The following ABCB5 variants were observed in gnomAD, a reference collection of about 807,000 sequenced individuals.
The protein encoded by ABCB5 is ATP binding cassette subfamily B member 5, also known as ATP-binding cassette sub-family B member 5.
In ABCB5, 155 loss-of-function variants were observed where a neutral mutation model predicts 144.2. That is an observed-to-expected ratio of 1.08 (90% CI 0.94 to 1.23). The LOEUF (loss-of-function observed/expected upper bound fraction) is 1.23, where lower values mean the gene tolerates loss of function less well. Among genes scored for constraint, ABCB5 ranks in the 50% most tolerant of loss-of-function variants. The pLI, the probability that ABCB5 is intolerant of heterozygous loss-of-function variation, is 0.00. For missense variants in ABCB5, 1,830 were observed against 1,520.8 expected, an observed-to-expected ratio of 1.20 and a Z score of -3.38; for synonymous variants, 610 against 528.6, an observed-to-expected ratio of 1.15 and a Z score of -2.11.
intron 20 of ABCB5, among the ~76,000 whole-genome samples, chr7:20,707,028 T>C (rs1414664847): frequency 6.6e-6 from 1 of 152,188 alleles, no homozygotes; most frequent in Non-Finnish European, 1.5e-5. Context: ...AACTTATTTG[T>C]CCACAAATGA....
At chr7:20,634,560 G>C (rs753626666) in intron 5 of ABCB5, among the ~76,000 whole-genome samples, 1 of 152,004 alleles carries the variant, frequency 6.6e-6, no homozygotes, top group Non-Finnish European at 1.5e-5. Context: ...ACCAACATCT[G>C]TTATTATTTG....
intron 27 of ABCB5, 64 bp from the exon 28 acceptor site, chr7:20,755,363 T>C (rs1436044008): frequency 1.6e-5 from 24 of 1,467,164 alleles, no homozygotes; most frequent in Non-Finnish European, 2.3e-5. Flanking sequence ...TTAATTGATT[T>C]GACTTAGGTA....
chr7:20,723,269 T>A, intron 21 of ABCB5, 50 bp downstream of exon 21: 1 of 1,561,890 alleles, frequency 6.4e-7, no homozygotes, highest in Non-Finnish European at 8.8e-7. Context: ...AGAAAAACAG[T>A]CAGAACTTTA....
At chr7:20,647,670 A>T in intron 10 of ABCB5, 22 bp downstream of exon 10, 1 of 1,547,108 alleles carries the variant, frequency 6.5e-7, no homozygotes, top group South Asian at 1.2e-5. Context: ...TATTGCTTTG[A>T]AGAATAACTA....
In ABCB5 at chr7:20,626,119, T is replaced by C. The variant is rs148056461; in HGVS notation, c.54-438T>C. Among the ~76,000 whole-genome samples, 372 of 152,264 alleles carry C rather than the reference T, an allele frequency of 2.4e-3. 1 individual carries two copies. The highest frequency in any genetic ancestry group is 8.6e-3 in the African/African-American group (358 of 41,552). ...GAGGTGCCCAGAGCAGTCAGATTCA[T>C]AGAGGCAAAATAGAACCGCGGTTGC... On this transcript the variant is annotated intron_variant, in intron 2 of 27. Transcript: ENST00000404938.
intron 13 of ABCB5, among the ~76,000 whole-genome samples, chr7:20,652,058 G>T (rs1216713114): frequency 1.3e-5 from 2 of 151,780 alleles, no homozygotes; most frequent in African/African-American, 4.8e-5. Context: ...AATTGAAAAA[G>T]AAAAAAATGA....
intron 26 of ABCB5, among the ~76,000 whole-genome samples, chr7:20,746,598 T>C (rs554564302): frequency 2.1e-4 from 32 of 152,348 alleles, no homozygotes; most frequent in African/African-American, 7.5e-4. Context: ...GATCCTTTTT[T>C]ATCACCTTGA....
At chr7:20,649,740 A>G (rs1483293865) in intron 11 of ABCB5, among the ~76,000 whole-genome samples, 1 of 152,234 alleles carries the variant, frequency 6.6e-6, no homozygotes, top group Non-Finnish European at 1.5e-5. Context: ...AAATTCATAT[A>G]AAATATTTTA....
chr7:20,739,986 C>G (rs1782510367), intron 24 of ABCB5, among the ~76,000 whole-genome samples: 1 of 152,134 alleles, frequency 6.6e-6, no homozygotes, highest in Non-Finnish European at 1.5e-5. Context: ...AATCCCAGCA[C>G]TTTGGGAGGC....
At chr7:20,634,034 C>T (rs1784096340) in intron 5 of ABCB5, among the ~76,000 whole-genome samples, 1 of 152,028 alleles carries the variant, frequency 6.6e-6, no homozygotes, top group Admixed American at 6.6e-5. Context: ...CCCTTTCAGC[C>T]TCTGAGTCTC....
At chr7:20,752,420 T>C (rs1179048112) in intron 26 of ABCB5, among the ~76,000 whole-genome samples, 1 of 152,210 alleles carries the variant, frequency 6.6e-6, no homozygotes, top group Non-Finnish European at 1.5e-5. Flanking sequence ...TGTGTGAAAT[T>C]TTCTTTACCC....
intron 13 of ABCB5, among the ~76,000 whole-genome samples, chr7:20,654,662 G>C (rs944889918): frequency 6.6e-6 from 1 of 151,970 alleles, no homozygotes; most frequent in Admixed American, 6.6e-5. Flanking sequence ...TATGTTCTCA[G>C]ACCATAATAT....
intron 7 of ABCB5, among the ~76,000 whole-genome samples, chr7:20,645,131 C>T (rs1050859839): frequency 5.9e-5 from 9 of 152,146 alleles, no homozygotes; most frequent in Admixed American, 1.3e-4. Flanking sequence ...CCAAAGGATG[C>T]GATACCAGAG....
intron 13 of ABCB5, among the ~76,000 whole-genome samples, chr7:20,652,809 T>G (rs758473659): frequency 1.3e-5 from 2 of 152,186 alleles, no homozygotes; most frequent in Non-Finnish European, 2.9e-5. Context: ...AAGGATGAGA[T>G]TTGCAATTAA....
chr7:20,654,844 A>T (rs1784719980), intron 13 of ABCB5, among the ~76,000 whole-genome samples: 1 of 152,138 alleles, frequency 6.6e-6, no homozygotes, highest in Admixed American at 6.5e-5. Context: ...AGAGAAACTT[A>T]TAGTATTTAA....
At chr7:20,681,936 G>T (rs1404254745) in intron 15 of ABCB5, among the ~76,000 whole-genome samples, 2 of 152,080 alleles carry the variant, frequency 1.3e-5, no homozygotes, top group African/African-American at 4.8e-5. Flanking sequence ...ACCAGAAAGG[G>T]TGGCTCACAC....
rs192378852 is a variant in ABCB5 at position 20,711,486 on chromosome 7, C to T, written c.2421+6679C>T. On this transcript the variant is annotated intron_variant, in intron 20 of 27. Transcript: ENST00000404938. ...TCTTTCTTTTTTTTTTTTTGAGACA[C>T]GGTCTCACTCTGTTATCCAGGCTGG... 2.2e-3 allele frequency among the ~76,000 whole-genome samples: 319 copies of T among 143,088 alleles called. 21 individuals carry two copies. Among genetic ancestry groups the T allele is most frequent in the African/African-American group, 5.9e-3 (225 of 38,416 alleles). 93.9% of individuals were successfully genotyped at this position (143,088 alleles called of 152,430 possible).
At chr7:20,716,674 A>T (rs1407234079) in intron 20 of ABCB5, among the ~76,000 whole-genome samples, 1 of 152,218 alleles carries the variant, frequency 6.6e-6, no homozygotes, top group Non-Finnish European at 1.5e-5. Flanking sequence ...CATAGTAAGG[A>T]GAGGAATGGG....
intron 16 of ABCB5, among the ~76,000 whole-genome samples, chr7:20,691,039 C>G (rs575504386): frequency 6.6e-6 from 1 of 151,694 alleles, no homozygotes. Context: ...GGACATCATG[C>G]AAAGTAGGAT....
Sources: allele counts gnomAD v4.1 joint callset (sites outside exome capture counted in the v4.1 genomes callset), GRCh38; gene constraint gnomAD v4.1.1; transcripts MANE v1.5; gene names NCBI Gene and HGNC (gene_info 2026-07-23, HGNC 2026-07-21).